Variants in ABCG2 observed in about 807,000 individuals in gnomAD.
ABCG2 encodes ATP binding cassette subfamily G member 2 (JR blood group).
ABCG2 carries 80 observed loss-of-function variants against 73.5 expected under a neutral mutation model. The observed-to-expected ratio is 1.09, with a 90% confidence interval of 0.91 to 1.31. ABCG2 has a LOEUF of 1.31. Among genes scored for constraint, ABCG2 ranks in the 50% most tolerant of loss-of-function variants. The probability of loss-of-function intolerance (pLI) is 0.00; values close to 1 mark genes in which losing one functional copy is unlikely to be tolerated. For synonymous variants in ABCG2, 269 were observed against 282.4 expected, an observed-to-expected ratio of 0.95 and a Z score of 0.48; for missense variants, 796 against 786.2, an observed-to-expected ratio of 1.01 and a Z score of -0.15.
intron 1 of ABCG2, among the ~76,000 whole-genome samples, chr4:88,144,135 G>A (rs372794389): frequency 3.7e-4 from 56 of 152,232 alleles, no homozygotes; most frequent in African/African-American, 1.2e-3. Flanking sequence ...ACCTGTTGCC[G>A]TTTCCTTATT....
intron 1 of ABCG2, among the ~76,000 whole-genome samples, chr4:88,210,184 T>TACACACACAC (rs36209812): frequency 9.2e-4 from 138 of 149,588 alleles, no homozygotes; most frequent in African/African-American, 3.3e-3. Flanking sequence ...TAAGTAATCC[T>TACACACACAC]ACACACACAC....
chr4:88,122,063 G>C (rs1281993065), intron 5 of ABCG2, among the ~76,000 whole-genome samples: 2 of 152,080 alleles, frequency 1.3e-5, no homozygotes, highest in African/African-American at 4.8e-5. Flanking sequence ...CACAAGGGGT[G>C]GGGGAAGTCC....
chr4:88,141,787 C>T (rs1305641389), intron 1 of ABCG2, among the ~76,000 whole-genome samples: 3 of 152,070 alleles, frequency 2.0e-5, no homozygotes, highest in African/African-American at 7.2e-5. Context: ...AAAAACAGAA[C>T]CTGATGTTCC....
rs33984842 is a variant in ABCG2 at position 88,213,982 on chromosome 4, C to CTTT, written c.-20+17009_-20+17011dup. Among the ~76,000 whole-genome samples the CTTT allele has an allele frequency of 1.1e-3, 66 of 59,636 alleles. 3 individuals are homozygous for CTTT. Among genetic ancestry groups the CTTT allele is most frequent in the Admixed American group, 1.6e-3 (6 of 3,748 alleles). The allele number at this position is 59,636 out of a possible 152,430, so 39.1% of individuals were successfully genotyped here. On this transcript the variant is annotated intron_variant, in intron 1 of 15. Transcript: ENST00000515655. ...ACAGCCATGAGCCACCACGCCCGGC[C>CTTT]TTTTTTTTTTTTTTTTTTTTTTTGA...
At chr4:88,096,806 G>A (rs1722014662) in intron 13 of ABCG2, among the ~76,000 whole-genome samples, 1 of 151,786 alleles carries the variant, frequency 6.6e-6, no homozygotes, top group African/African-American at 2.4e-5. Context: ...ACCCAGAAAG[G>A]AGGTACTTAG....
upstream of ABCG2, among the ~76,000 whole-genome samples, chr4:88,159,805 C>T (rs1414113560): frequency 6.6e-6 from 1 of 151,886 alleles, no homozygotes; most frequent in Non-Finnish European, 1.5e-5. Flanking sequence ...TATACCATAC[C>T]GCATGCTTTT....
At chr4:88,169,404 C>A (rs762233208) in intron 1 of ABCG2, among the ~76,000 whole-genome samples, 1 of 152,094 alleles carries the variant, frequency 6.6e-6, no homozygotes, top group Non-Finnish European at 1.5e-5. Flanking sequence ...GCATGAAATT[C>A]ATATATTTTG....
At chr4:88,165,876 A>G (rs1306673876) in intron 1 of ABCG2, among the ~76,000 whole-genome samples, 1 of 151,892 alleles carries the variant, frequency 6.6e-6, no homozygotes, top group Non-Finnish European at 1.5e-5. Context: ...TCCATCTCAA[A>G]AAAAAAAAAG....
intron 1 of ABCG2, among the ~76,000 whole-genome samples, chr4:88,196,016 A>G (rs1167109219): frequency 6.6e-6 from 1 of 152,132 alleles, no homozygotes; most frequent in African/African-American, 2.4e-5. Context: ...AGGTGTTTCT[A>G]TCTATTGGGA....
chr4:88,135,000 C>T (rs1231259366), intron 2 of ABCG2, among the ~76,000 whole-genome samples: 1 of 152,180 alleles, frequency 6.6e-6, no homozygotes, highest in Non-Finnish European at 1.5e-5. Flanking sequence ...GTTGTTGGAA[C>T]AGGGCCGTGC....
At chr4:88,159,471 C>G, upstream of ABCG2, 3 of 336,320 alleles carry the variant, frequency 8.9e-6, no homozygotes, top group South Asian at 6.5e-5. Context: ...ATTCTTTACA[C>G]TCCTGTGACT....
At chr4:88,118,286 A>G (rs377636694) in intron 6 of ABCG2, 26 bp from the exon 7 acceptor site, 1 of 1,608,824 alleles carries the variant, frequency 6.2e-7, no homozygotes, top group African/African-American at 1.3e-5. Context: ...GACAATACTA[A>G]GTCATTAAAT....
intron 10 of ABCG2, among the ~76,000 whole-genome samples, chr4:88,105,684 T>G (rs1722723476): frequency 6.6e-6 from 1 of 152,078 alleles, no homozygotes; most frequent in Non-Finnish European, 1.5e-5. Context: ...AAGAAGAAAT[T>G]GATCAATTGG....
chr4:88,097,719 G>A, intron 12 of ABCG2, 112 bp from the exon 13 acceptor site: 1 of 1,231,718 alleles, frequency 8.1e-7, no homozygotes, highest in Admixed American at 2.8e-5. Flanking sequence ...ATATTAGAAT[G>A]AAAAAAAGTC....
chr4:88,228,208 A>G (rs901147374), intron 1 of ABCG2, among the ~76,000 whole-genome samples: 7 of 152,204 alleles, frequency 4.6e-5, no homozygotes, highest in Non-Finnish European at 1.0e-4. Context: ...TGAGTCTTGT[A>G]GTTCCCTAGG....
chr4:88,131,892 T>C lies in ABCG2; in HGVS notation c.289A>G (p.Lys97Glu), dbSNP rs1316542758. The C allele has an allele frequency of 6.2e-7, 1 of 1,613,976 alleles. No homozygotes were observed. Among genetic ancestry groups the C allele is most frequent in the South Asian group, 1.1e-5 (1 of 91,074 alleles). ...TCTCCAGATAATCCACTTGGATCTT[T>C]CCTTGCAGCTAAGACATCTAATAAC... Reference protein sequence around the residue: ...SSLLDVLAARKDPSGLSGDVL... With the variant: ...SSLLDVLAAREDPSGLSGDVL... The change falls in exon 4 of 16, where the codon AAA becomes GAA. Residue 97 changes from lysine to glutamate, a missense_variant. Physicochemically the swap from Lys to Glu is moderately conservative, Grantham distance 56. Transcript: ENST00000237612.
chr4:88,167,632 C>T (rs562591582), intron 1 of ABCG2, among the ~76,000 whole-genome samples: 26 of 152,146 alleles, frequency 1.7e-4, no homozygotes, highest in Non-Finnish European at 3.7e-4. Context: ...ACCTTGGCCT[C>T]CCAAAAGTGC....
Position 88,131,092 on chromosome 4 carries a change from TCTTGAATGACC to T in ABCG2, c.489_499del (p.Ile165ArgfsTer4). 6.2e-7 allele frequency: 1 copy of T among 1,614,048 alleles called. No homozygotes were observed. Among genetic ancestry groups the T allele is most frequent in the South Asian group, 1.1e-5 (1 of 91,076 alleles). ...GTCTGCCACTTTATCCAGACCTAAC[TCTTGAATGACC>T]CTGTTAATCCGTTCGTTTTTTTCAT... On this transcript the variant is annotated frameshift_variant, in exon 5 of 16. Transcript: ENST00000237612. LOFTEE classifies it high-confidence loss of function.
chr4:88,157,897 AAT>A (rs1399824641), intron 1 of ABCG2, among the ~76,000 whole-genome samples: 1 of 152,206 alleles, frequency 6.6e-6, no homozygotes, highest in African/African-American at 2.4e-5. Flanking sequence ...ATCCACAGAA[AAT>A]TACAAAAGGG....
Sources: allele counts gnomAD v4.1 joint callset (sites outside exome capture counted in the v4.1 genomes callset), GRCh38; gene constraint gnomAD v4.1.1; transcripts MANE v1.5; gene names NCBI Gene and HGNC (gene_info 2026-07-23, HGNC 2026-07-21).